Variants in NCAN observed in about 807,000 individuals in gnomAD.
NCAN encodes the protein neurocan, also known as neurocan core protein.
A neutral mutation model predicts 121.8 loss-of-function variants in NCAN; 47 were observed. The observed-to-expected ratio is 0.39, with a 90% confidence interval of 0.31 to 0.49. NCAN has a LOEUF of 0.49. Ranked by LOEUF, NCAN falls within the 20% of genes least tolerant of loss-of-function variation. The pLI is 0.92. For missense variants in NCAN, 1,517 were observed against 1,773.4 expected (o/e 0.86, Z 2.60); for synonymous variants, 633 against 702.0 (o/e 0.90, Z 1.55).
At chr19:19,237,508 A>G (rs2060885868) in intron 10 of NCAN, among the ~76,000 whole-genome samples, 1 of 151,532 alleles carries the variant, frequency 6.6e-6, no homozygotes, top group Non-Finnish European at 1.5e-5. Flanking sequence ...AAAATTTTAT[A>G]TATATATATC....
intron 13 of NCAN, among the ~76,000 whole-genome samples, chr19:19,246,876 A>G (rs4563151): frequency 0.053 from 8,025 of 152,120 alleles, 582 homozygotes; most frequent in African/African-American, 0.16. Context: ...GCCTGTTGGC[A>G]TATATTTCTT....
chr19:19,225,362 C>T lies in NCAN; in HGVS notation c.1072+92C>T, dbSNP rs1317018173. ...GCCTCGCCAAGCCAAGGGAGAGACACATGGAAGCTCGCTTTGTGATAAGCC... is the reference window on the plus strand; with the variant it reads ...GCCTCGCCAAGCCAAGGGAGAGACATATGGAAGCTCGCTTTGTGATAAGCC... On this transcript the variant is annotated intron_variant, in intron 6 of 14. Coordinates refer to ENST00000252575, the MANE Select transcript of NCAN (RefSeq NM_004386.3). The surrounding 1 kb of genome is among the most constrained non-coding windows in gnomAD (Gnocchi z 4.0). 7.3e-7 allele frequency: 1 copy of T among 1,371,270 alleles called. No individual in the cohort carries two copies. The highest frequency in any genetic ancestry group is 1.5e-5 in the African/African-American group (1 of 64,970). 84.9% of individuals were successfully genotyped at this position (1,371,270 alleles called of 1,614,324 possible). A position where few individuals can be genotyped will look rare whatever the true frequency, so the allele number is the denominator to read the frequency against.
chr19:19,226,358 A>T, intron 6 of NCAN, 128 bp from the exon 7 acceptor site: 2 of 731,446 alleles, frequency 2.7e-6, no homozygotes. Context: ...AATCTCAGAA[A>T]CTACTTAGGA....
chr19:19,232,594 C>A (rs2146547625), intron 8 of NCAN, among the ~76,000 whole-genome samples: 1 of 152,350 alleles, frequency 6.6e-6, no homozygotes, highest in South Asian at 2.1e-4. Context: ...CTGTCCCAGA[C>A]CATATGTTGA....
chr19:19,232,882 T>C (rs942823076), intron 8 of NCAN: 5 of 151,906 alleles, frequency 3.3e-5, no homozygotes, highest in African/African-American at 1.2e-4. Context: ...ACATATGCTA[T>C]AATTAGAACA....
chr19:19,225,311 C>A lies in NCAN; in HGVS notation c.1072+41C>A. ...GGTGGCCGCGCCCCCAGGGCTTTCACTTTGGCGAAGGCCACGTCCCTGAAA... is the reference window on the plus strand; with the variant it reads ...GGTGGCCGCGCCCCCAGGGCTTTCAATTTGGCGAAGGCCACGTCCCTGAAA... On this transcript the variant is annotated intron_variant, in intron 6 of 14. Coordinates refer to ENST00000252575, the MANE Select transcript of NCAN (RefSeq NM_004386.3). This position sits in a 1 kb window ranked among gnomAD's most constrained non-coding sequence, Gnocchi z 4.0. 6.8e-7 allele frequency: 1 copy of A among 1,479,082 alleles called. No individual in the cohort carries two copies. Among genetic ancestry groups the A allele is most frequent in the Non-Finnish European group, 8.8e-7 (1 of 1,130,684 alleles). 91.6% of individuals were successfully genotyped at this position (1,479,082 alleles called of 1,614,324 possible).
At chr19:19,220,447 A>ATTTT (rs1343151998) in intron 3 of NCAN, among the ~76,000 whole-genome samples, 7 of 108,726 alleles carry the variant, frequency 6.4e-5, no homozygotes, top group African/African-American at 1.4e-4. Flanking sequence ...TGTTTAGGCA[A>ATTTT]TTCTTTTTTT....
intron 12 of NCAN, among the ~76,000 whole-genome samples, chr19:19,241,577 C>T (rs1745480040): frequency 6.6e-6 from 1 of 151,964 alleles, no homozygotes; most frequent in Non-Finnish European, 1.5e-5. Context: ...GTGGTACGAG[C>T]CTGTAGTCTC....
At chr19:19,224,951 CT>C (rs2060829897) in intron 5 of NCAN, 25 bp from the exon 6 acceptor site, 3 of 1,387,540 alleles carry the variant, frequency 2.2e-6, no homozygotes, top group Non-Finnish European at 2.8e-6. Flanking sequence ...CCCAGCCCCC[CT>C]GACCTCCACC....
Position 19,250,551 on chromosome 19 carries a change from G to C in NCAN, c.*640G>C, listed in dbSNP as rs187604865. The stretch of plus-strand genomic sequence containing the variant: ...TCCCTCCATGCCTTCAGAGTTAGGA[G>C]TGAGAATGATCAAAGCAATATGTAG... On this transcript the variant is annotated 3_prime_UTR_variant, in exon 15 of 15. Coordinates refer to ENST00000252575, the MANE Select transcript of NCAN (RefSeq NM_004386.3). The C allele has an allele frequency of 4.5e-4, 107 of 238,696 alleles. No individual in the cohort carries two copies. The highest frequency in any genetic ancestry group is 3.2e-3 in the Middle Eastern group (2 of 634). The allele number at this position is 238,696 out of a possible 1,614,324, so 14.8% of individuals were successfully genotyped here. A position where few individuals can be genotyped will look rare whatever the true frequency, so the allele number is the denominator to read the frequency against.
Position 19,247,491 on chromosome 19 carries a change from G to A in NCAN, c.3638-1209G>A, listed in dbSNP as rs1035817235. On this transcript the variant is annotated intron_variant, in intron 13 of 14. Transcript: ENST00000252575. ...GATGGTCTCGATCTCCTGACCTTGTGATCCGCCTGCCTCGGCCTCCCAAAG... is the reference window on the plus strand; with the variant it reads ...GATGGTCTCGATCTCCTGACCTTGTAATCCGCCTGCCTCGGCCTCCCAAAG... Among the ~76,000 whole-genome samples the A allele has an allele frequency of 5.3e-5, 8 of 152,116 alleles. No homozygotes were observed. The South Asian group carries it at 8.3e-4, about 16-fold the overall frequency.
chr19:19,250,590 A>G lies in NCAN; in HGVS notation c.*679A>G, dbSNP rs2060943055. The G allele has an allele frequency of 5.1e-6, 1 of 194,996 alleles. No individual in the cohort carries two copies. The highest frequency in any genetic ancestry group is 2.4e-5 in the African/African-American group (1 of 42,424). The allele number at this position is 194,996 out of a possible 1,614,324, so 12.1% of individuals were successfully genotyped here. A position where few individuals can be genotyped will look rare whatever the true frequency, so the allele number is the denominator to read the frequency against. On this transcript the variant is annotated 3_prime_UTR_variant, in exon 15 of 15. Transcript: ENST00000252575. The stretch of plus-strand genomic sequence containing the variant: ...AGCAATATGTAGGTGATGGAGGGAG[A>G]GTGTATTGCTAACCCTTCCAGGTCT...
At chr19:19,221,359 G>A (rs942543697) in intron 3 of NCAN, among the ~76,000 whole-genome samples, 1 of 152,130 alleles carries the variant, frequency 6.6e-6, no homozygotes, top group African/African-American at 2.4e-5. Context: ...CATGAGGTCA[G>A]GAGTTCGAGA....
At chr19:19,216,602 G>C (rs528757580) in intron 1 of NCAN, among the ~76,000 whole-genome samples, 1 of 151,944 alleles carries the variant, frequency 6.6e-6, no homozygotes, top group Non-Finnish European at 1.5e-5. Flanking sequence ...GAGCCACCAC[G>C]CCTGGCTGCT....
Position 19,250,086 on chromosome 19 carries a change from A to T in NCAN, c.*175A>T. 2.6e-6 allele frequency: 2 copies of T among 778,082 alleles called. No individual in the cohort carries two copies. The highest frequency in any genetic ancestry group is 2.0e-5 in the Admixed American group (1 of 49,862). 48.2% of individuals were successfully genotyped at this position (778,082 alleles called of 1,614,324 possible). A position where few individuals can be genotyped will look rare whatever the true frequency, so the allele number is the denominator to read the frequency against. On this transcript the variant is annotated 3_prime_UTR_variant, in exon 15 of 15. Transcript: ENST00000252575. ...TCCTCTTTTCCCTTTTTTTACATACACAAGATCCTCTTGGCAGGTGGAGCC... is the reference window on the plus strand; with the variant it reads ...TCCTCTTTTCCCTTTTTTTACATACTCAAGATCCTCTTGGCAGGTGGAGCC...
At chr19:19,236,876 G>A (rs961258814) in intron 10 of NCAN, among the ~76,000 whole-genome samples, 3 of 151,856 alleles carry the variant, frequency 2.0e-5, no homozygotes, top group Admixed American at 2.0e-4. Flanking sequence ...CTACAGGTTT[G>A]TGCCACCATG....
At chr19:19,220,062 A>C (rs543623439) in intron 3 of NCAN, among the ~76,000 whole-genome samples, 2 of 152,168 alleles carry the variant, frequency 1.3e-5, no homozygotes, top group South Asian at 4.1e-4. Context: ...TATGGGTACT[A>C]TCTTGTCTTT....
intron 3 of NCAN, among the ~76,000 whole-genome samples, chr19:19,220,880 G>A (rs2060814317): frequency 6.6e-6 from 1 of 151,844 alleles, no homozygotes; most frequent in South Asian, 2.1e-4. Context: ...ACCAGCCTGG[G>A]AAACATAGCA....
intron 8 of NCAN, among the ~76,000 whole-genome samples, chr19:19,229,475 G>A (rs2060850497): frequency 6.6e-6 from 1 of 152,170 alleles, no homozygotes; most frequent in Non-Finnish European, 1.5e-5. Context: ...ACTCGTGGGG[G>A]ACCTCAAGCC....
Sources: allele counts gnomAD v4.1 joint callset (sites outside exome capture counted in the v4.1 genomes callset), GRCh38; gene constraint gnomAD v4.1.1; non-coding constraint Gnocchi (gnomAD v3.1); transcripts MANE v1.5; gene names NCBI Gene and HGNC (gene_info 2026-07-23, HGNC 2026-07-21).